LRP2: variants seen among roughly 807,000 people sequenced by gnomAD.
LRP2 encodes the protein low-density lipoprotein receptor-related protein 2.
LRP2 carries 172 observed loss-of-function variants against 531.0 expected under a neutral mutation model. That is an observed-to-expected ratio of 0.32 (90% CI 0.29 to 0.37). The LOEUF is 0.37. Ranked by LOEUF, LRP2 falls within the 10% of genes least tolerant of loss-of-function variation. LRP2 has a pLI of 1.00. For missense variants in LRP2, 5,167 were observed against 5,868.3 expected (o/e 0.88, Z 3.90); for synonymous variants, 1,992 against 2,027.6 (o/e 0.98, Z 0.47).
chr2:169,128,307 C>A lies in LRP2; in HGVS notation c.*356G>T, dbSNP rs899793851. The A allele has an allele frequency of 4.8e-6, 1 of 206,296 alleles. No homozygotes were observed. Among genetic ancestry groups the A allele is most frequent in the East Asian group, 1.4e-4 (1 of 7,228 alleles). The allele number at this position is 206,296 out of a possible 1,614,324, so 12.8% of individuals were successfully genotyped here. On this transcript the variant is annotated 3_prime_UTR_variant, in exon 79 of 79. Coordinates refer to ENST00000649046, the MANE Select transcript of LRP2 (RefSeq NM_004525.3). Reference sequence around the variant, plus strand: ...CACGGCTAAAGGTCCCCAGTCAATTCCTTTTCTTGTTGGATCATTTACTAT... The same window carrying A: ...CACGGCTAAAGGTCCCCAGTCAATTACTTTTCTTGTTGGATCATTTACTAT...
Position 169,350,759 on chromosome 2 carries a change from A to G in LRP2, c.79+11562T>C, listed in dbSNP as rs543378078. 1.2e-4 allele frequency among the ~76,000 whole-genome samples: 18 copies of G among 148,132 alleles called. No individual in the cohort carries two copies. In the South Asian group the frequency reaches 3.4e-3, roughly 28 times the overall value. On this transcript the variant is annotated intron_variant, in intron 1 of 78. Transcript: ENST00000649046. The stretch of plus-strand genomic sequence containing the variant: ...AAAAAAAAAAAAAGTGGGGACTCAG[A>G]TGACAGAGACTATCCCCAGAGGACA...
chr2:169,275,204 G>A lies in LRP2; in HGVS notation c.1807C>T (p.His603Tyr). 6.2e-7 allele frequency: 1 copy of A among 1,613,772 alleles called. No individual in the cohort carries two copies. The highest frequency in any genetic ancestry group is 8.5e-7 in the Non-Finnish European group (1 of 1,179,796). The part of the protein sequence containing the change: ...TVVHGGSLIP[H>Y]PFGVSLFEGQ... ...TCAAATAAGCTTACTCCAAAGGGAT[G>A]AGGAATGAGGGAGCCTCCATGAACT... Residue 603 changes from histidine (H) to tyrosine (Y), a missense_variant, in exon 14 of 79, where the codon CAT (histidine) becomes TAT (tyrosine). Transcript: ENST00000649046.
intron 44 of LRP2, among the ~76,000 whole-genome samples, chr2:169,201,269 G>C (rs182579886): frequency 5.0e-4 from 76 of 152,272 alleles, no homozygotes; most frequent in Non-Finnish European, 8.7e-4. Flanking sequence ...ACAGAGAACA[G>C]TAAAAATACA....
intron 63 of LRP2, among the ~76,000 whole-genome samples, chr2:169,158,039 T>C (rs1038038792): frequency 2.0e-5 from 3 of 147,696 alleles, no homozygotes; most frequent in Non-Finnish European, 4.5e-5. Flanking sequence ...ATAATTTCCC[T>C]AACATTGACC....
chr2:169,354,256 CAGT>C (rs1459100979), intron 1 of LRP2, among the ~76,000 whole-genome samples: 1 of 152,168 alleles, frequency 6.6e-6, no homozygotes, highest in African/African-American at 2.4e-5. Context: ...TAATGTGAAT[CAGT>C]AGATCAGTGA....
chr2:169,281,534 CA>C (rs1184780255), intron 10 of LRP2, among the ~76,000 whole-genome samples: 3 of 152,036 alleles, frequency 2.0e-5, no homozygotes, highest in African/African-American at 7.2e-5. Flanking sequence ...TCCTGGCTAA[CA>C]TGATGAAACC....
At position 169,285,118 on chromosome 2, in the gene LRP2, G is replaced by A. The variant is rs536436301; in HGVS notation, c.1043-2117C>T. The stretch of plus-strand genomic sequence containing the variant: ...GAGTCCAAGGGTTTGAGACTAGCCT[G>A]GGCAATATGGCAAGGGTTTATGTGT... On this transcript the variant is annotated intron_variant, in intron 9 of 78. Coordinates refer to ENST00000649046, the MANE Select transcript of LRP2 (RefSeq NM_004525.3). Among the ~76,000 whole-genome samples, 262 of 150,692 alleles carry A rather than the reference G, an allele frequency of 1.7e-3. 1 individual carries two copies. Among genetic ancestry groups the A allele is most frequent in the South Asian group, 3.8e-3 (18 of 4,726 alleles).
chr2:169,294,102 CA>C (rs771447990), intron 6 of LRP2, 45 bp downstream of exon 6: 15 of 1,379,180 alleles, frequency 1.1e-5, no homozygotes, highest in Non-Finnish European at 1.3e-5. Flanking sequence ...CGAAACAAAA[CA>C]AAACACTCCC....
At chr2:169,186,271 G>A (rs1227134987) in intron 49 of LRP2, among the ~76,000 whole-genome samples, 1 of 152,198 alleles carries the variant, frequency 6.6e-6, no homozygotes, top group Non-Finnish European at 1.5e-5. Context: ...GAAGAAAAGA[G>A]CCTGGCCAGT....
At chr2:169,208,251 A>G (rs530221876) in intron 38 of LRP2, among the ~76,000 whole-genome samples, 1 of 152,320 alleles carries the variant, frequency 6.6e-6, no homozygotes, top group East Asian at 1.9e-4. Flanking sequence ...TTACAAAAAC[A>G]GGCAACAGGC....
rs1358094488 is a variant in LRP2, at chr2:169,212,104, T to G, written c.6144A>C (p.Gly2048=). 1.1e-5 allele frequency: 18 copies of G among 1,613,862 alleles called. No homozygotes were observed. In the Admixed American group the frequency reaches 2.8e-4, roughly 25 times the overall value. ...ACCGATTATCAGGATTGAGTTTAAATCCAGTGGCACAGGCGCAGGAAAACA... is the reference window on the plus strand; with the variant it reads ...ACCGATTATCAGGATTGAGTTTAAAGCCAGTGGCACAGGCGCAGGAAAACA... ...GGLFSCACAT[G]FKLNPDNRSC... Residue 2048 remains glycine, a synonymous_variant, in exon 37 of 79, where the codon GGA becomes GGC. Transcript: ENST00000649046.
intron 4 of LRP2, among the ~76,000 whole-genome samples, chr2:169,297,976 C>CACAA (rs1246486954): frequency 3.4e-5 from 5 of 148,740 alleles, no homozygotes; most frequent in African/African-American, 1.2e-4. Context: ...TTGGGAAACA[C>CACAA]ACACACACAC....
At chr2:169,291,929 T>A (rs1431650126) in intron 7 of LRP2, among the ~76,000 whole-genome samples, 1 of 152,220 alleles carries the variant, frequency 6.6e-6, no homozygotes, top group Non-Finnish European at 1.5e-5. Flanking sequence ...TAGTTTTAAA[T>A]CTATTTAAAA....
chr2:169,214,765 C>T (rs889143389), intron 35 of LRP2, among the ~76,000 whole-genome samples: 1 of 152,204 alleles, frequency 6.6e-6, no homozygotes, highest in Non-Finnish European at 1.5e-5. Flanking sequence ...AGCCGTGATC[C>T]AACTTGCTGA....
chr2:169,259,762 T>C (rs930210237), intron 16 of LRP2, among the ~76,000 whole-genome samples: 33 of 151,994 alleles, frequency 2.2e-4, no homozygotes, highest in Admixed American at 2.1e-3. Context: ...AAAAAAACGC[T>C]TTCCTCTTTA....
chr2:169,206,512 A>C lies in LRP2; in HGVS notation c.7208T>G (p.Leu2403Trp), dbSNP rs1209440404. The C allele has an allele frequency of 6.2e-7, 1 of 1,614,238 alleles. No individual in the cohort carries two copies. Among genetic ancestry groups the C allele is most frequent in the Admixed American group, 1.7e-5 (1 of 60,026 alleles). Residue 2403 changes from leucine (L) to tryptophan (W), a missense_variant, in exon 39 of 79, where the codon TTG becomes TGG. Transcript: ENST00000649046. The part of the protein sequence containing the change: ...ALSNSLRSLH[L>W]DPENHSPPFQ... ...AGGTGGGCTATGGTTTTCAGGGTCC[A>C]AGTGTAAGCTTCTCAAGGAATTAGA...
At chr2:169,263,016 T>C (rs1189114157) in intron 16 of LRP2, among the ~76,000 whole-genome samples, 1 of 152,140 alleles carries the variant, frequency 6.6e-6, no homozygotes, top group Non-Finnish European at 1.5e-5. Context: ...ATTTAATAAA[T>C]GGTGCTGGGA....
In LRP2 at chr2:169,146,628, A is replaced by AG. The variant is rs1685923667; in HGVS notation, c.12811+110_12811+111insC. ...GGGGTGGAGGGGTGGTATCTAAAAA[A>AG]CTATATAAGCCATTTCCTAAGAGCA... On this transcript the variant is annotated intron_variant, in intron 69 of 78. Coordinates refer to ENST00000649046, the MANE Select transcript of LRP2 (RefSeq NM_004525.3). 5 of 880,376 alleles carry AG rather than the reference A, an allele frequency of 5.7e-6. No individual in the cohort carries two copies. In the South Asian group the frequency reaches 8.3e-5, roughly 15 times the overall value. 54.5% of individuals were successfully genotyped at this position (880,376 alleles called of 1,614,324 possible).
At chr2:169,172,990 A>G in intron 57 of LRP2, 106 bp downstream of exon 57, 1 of 1,464,272 alleles carries the variant, frequency 6.8e-7, no homozygotes, top group Non-Finnish European at 9.5e-7. Context: ...GAGGTAAACA[A>G]AGAAAAGATG....
Sources: allele counts gnomAD v4.1 joint callset (sites outside exome capture counted in the v4.1 genomes callset), GRCh38; gene constraint gnomAD v4.1.1; transcripts MANE v1.5; gene names NCBI Gene and HGNC (gene_info 2026-07-23, HGNC 2026-07-21).